The following RIBC2 variants were observed in gnomAD, a reference collection of about 807,000 sequenced individuals.
The protein encoded by RIBC2 is RIB43A domain with coiled-coils 2, also known as RIB43A-like with coiled-coils protein 2.
A neutral mutation model predicts 44.3 loss-of-function variants in RIBC2; 40 were observed. The ratio of observed to expected loss-of-function variants is 0.90; its 90% CI spans 0.70 to 1.18. The LOEUF (loss-of-function observed/expected upper bound fraction) is 1.18. Ranked by LOEUF, RIBC2 falls within the 50% of genes most tolerant of loss-of-function variation. RIBC2 has a pLI of 0.00. For missense variants in RIBC2, 459 were observed against 485.5 expected, an observed-to-expected ratio of 0.95 and a Z score of 0.51; for synonymous variants, 171 against 175.0, an observed-to-expected ratio of 0.98 and a Z score of 0.18.
Position 45,429,551 on chromosome 22 carries a change from G to T in RIBC2, c.904-1349G>T, listed in dbSNP as rs79444005. The stretch of plus-strand genomic sequence containing the variant: ...GTGGACCAGGGCATGAGGAGTGGGT[G>T]GGGCAGCTCGTCCACCTGCTTCCCT... On this transcript the variant is annotated intron_variant, in intron 5 of 6. Coordinates refer to ENST00000614167, the MANE Select transcript of RIBC2 (RefSeq NM_015653.5). Among the ~76,000 whole-genome samples, 1,501 of 152,216 alleles carry T rather than the reference G, an allele frequency of 9.9e-3. 31 individuals carry two copies. The highest frequency in any genetic ancestry group is 0.034 in the African/African-American group (1,416 of 41,524).
At chr22:45,418,257 C>A in intron 3 of RIBC2, 1 of 209,682 alleles carries the variant, frequency 4.8e-6, no homozygotes, top group Non-Finnish European at 9.7e-6. Context: ...AACTCAGAAT[C>A]GGTCCCTGCC....
Position 45,426,102 on chromosome 22 carries a change from G to T in RIBC2, c.830G>T (p.Arg277Leu), listed in dbSNP as rs149130910. The T allele has an allele frequency of 9.3e-6, 15 of 1,613,828 alleles. No individual in the cohort carries two copies. The South Asian group carries it at 1.3e-4, about 14-fold the overall frequency. The change falls in exon 5 of 7, where the codon CGC becomes CTC. Residue 277 changes from arginine to leucine, a missense_variant. Coordinates refer to ENST00000614167, the MANE Select transcript of RIBC2 (RefSeq NM_015653.5). ...SFGPHRVVPD[R>L]WKGMTQEQLE... The stretch of plus-strand genomic sequence containing the variant: ...GGGCCCCACCGCGTGGTCCCTGACC[G>T]CTGGAAGGGCATGACCCAGGAGCAG...
intron 5 of RIBC2, among the ~76,000 whole-genome samples, chr22:45,428,124 C>G (rs2087549817): frequency 6.6e-6 from 1 of 152,182 alleles, no homozygotes; most frequent in Admixed American, 6.5e-5. Flanking sequence ...AGAGGGGAAC[C>G]CCTGGGTCAA....
At chr22:45,420,345 T>C (rs2087466127) in intron 3 of RIBC2, among the ~76,000 whole-genome samples, 1 of 152,206 alleles carries the variant, frequency 6.6e-6, no homozygotes, top group Non-Finnish European at 1.5e-5. Flanking sequence ...ATCTTATCAG[T>C]GAGGCTTCCC....
At position 45,417,990 on chromosome 22, in the gene RIBC2, A is replaced by G. The variant is rs995081075; in HGVS notation, c.556+44A>G. The G allele has an allele frequency of 3.6e-6, 5 of 1,381,310 alleles. No individual in the cohort carries two copies. In the African/African-American group the frequency reaches 6.1e-5, roughly 17 times the overall value. The allele number at this position is 1,381,310 out of a possible 1,614,324, so 85.6% of individuals were successfully genotyped here. Reference sequence around the variant, plus strand: ...CGAGCTGGTCTCAACGCTCTCTTCAACAAACCAACCCTACAGTTTTTTTTT... The same window carrying G: ...CGAGCTGGTCTCAACGCTCTCTTCAGCAAACCAACCCTACAGTTTTTTTTT... On this transcript the variant is annotated intron_variant, in intron 3 of 6. Transcript: ENST00000614167.
intron 5 of RIBC2, among the ~76,000 whole-genome samples, chr22:45,429,302 C>T (rs968907263): frequency 2.0e-5 from 3 of 152,030 alleles, no homozygotes; most frequent in African/African-American, 7.2e-5. Flanking sequence ...GAAGCCGGGA[C>T]TAGATCTTTG....
At position 45,413,933 on chromosome 22, in the gene RIBC2, A is replaced by C; in HGVS notation, c.47A>C (p.Gln16Pro). The C allele has an allele frequency of 6.4e-7, 1 of 1,551,740 alleles. No homozygotes were observed. Among genetic ancestry groups the C allele is most frequent in the Non-Finnish European group, 8.7e-7 (1 of 1,146,990 alleles). Residue 16 changes from glutamine (Q) to proline (P), a missense_variant, in exon 1 of 7, where the codon CAG (glutamine) becomes CCG (proline). By Grantham distance (76) the Gln-to-Pro change is moderately conservative. Transcript: ENST00000614167. Reference sequence around the variant, plus strand: ...GTGGCGCTGCCCAGGGACTTGCGGCAGGACGCCAACCTGGCAAAGAGGAGG... The same window carrying C: ...GTGGCGCTGCCCAGGGACTTGCGGCCGGACGCCAACCTGGCAAAGAGGAGG... ...MAVALPRDLR[Q>P]DANLAKRRHA...
intron 2 of RIBC2, among the ~76,000 whole-genome samples, chr22:45,415,824 C>T (rs906671494): frequency 5.3e-5 from 8 of 152,116 alleles, no homozygotes; most frequent in Non-Finnish European, 8.8e-5. Context: ...CTCAGCTTCC[C>T]GAGTAGCTGG....
chr22:45,420,255 C>T (rs1263288262), intron 3 of RIBC2, among the ~76,000 whole-genome samples: 1 of 152,182 alleles, frequency 6.6e-6, no homozygotes, highest in African/African-American at 2.4e-5. Flanking sequence ...TTTGCATGTG[C>T]TGTTCCCTCT....
intron 5 of RIBC2, among the ~76,000 whole-genome samples, chr22:45,429,002 A>G (rs996437000): frequency 5.9e-5 from 9 of 152,244 alleles, no homozygotes; most frequent in Non-Finnish European, 1.0e-4. Context: ...CCAGGGGGCC[A>G]GAGAGAGATT....
chr22:45,416,687 C>T (rs1355537945), intron 2 of RIBC2, among the ~76,000 whole-genome samples: 2 of 152,016 alleles, frequency 1.3e-5, no homozygotes, highest in African/African-American at 4.8e-5. Flanking sequence ...AGCTCTATCT[C>T]TTGACCTTGT....
Position 45,416,899 on chromosome 22 carries a change from G to GT in RIBC2, c.212-683dup, listed in dbSNP as rs34961526. The stretch of plus-strand genomic sequence containing the variant: ...TTTCATAATTGTATTGATTACTCAG[G>GT]TTTTTTTTTTTTTTTTTTTTGAGAC... On this transcript the variant is annotated intron_variant, in intron 2 of 6. Coordinates refer to ENST00000614167, the MANE Select transcript of RIBC2 (RefSeq NM_015653.5). Among the ~76,000 whole-genome samples the GT allele has an allele frequency of 6.5e-3, 785 of 120,604 alleles. 7 individuals carry two copies. Among genetic ancestry groups the GT allele is most frequent in the South Asian group, 0.019 (70 of 3,648 alleles). The allele number at this position is 120,604 out of a possible 152,430, so 79.1% of individuals were successfully genotyped here. A position where few individuals can be genotyped will look rare whatever the true frequency, so the allele number is the denominator to read the frequency against.
chr22:45,425,069 C>G (rs1005654815), intron 4 of RIBC2, among the ~76,000 whole-genome samples: 2 of 151,500 alleles, frequency 1.3e-5, no homozygotes, highest in Non-Finnish European at 1.5e-5. Flanking sequence ...TGCAGTGAGC[C>G]GAGATTGTGC....
At chr22:45,416,455 T>TTTTTG (rs925138443) in intron 2 of RIBC2, among the ~76,000 whole-genome samples, 27 of 151,764 alleles carry the variant, frequency 1.8e-4, no homozygotes, top group African/African-American at 5.1e-4. Context: ...AAATGAGAGG[T>TTTTTG]TTTTGTTTTG....
Position 45,420,728 on chromosome 22 carries a change from C to A in RIBC2, c.557-1562C>A, listed in dbSNP as rs73446317. On this transcript the variant is annotated intron_variant, in intron 3 of 6. Transcript: ENST00000614167. ...CCATCTCTGACTCTTGTCCCTTCTA[C>A]CTCCTGCATATATTTTGAACTGTCC... Among the ~76,000 whole-genome samples, 919 of 152,356 alleles carry A rather than the reference C, an allele frequency of 6.0e-3. 19 individuals carry two copies. Among genetic ancestry groups the A allele is most frequent in the African/African-American group, 0.021 (865 of 41,574 alleles).
At chr22:45,420,796 C>T (rs1436270427) in intron 3 of RIBC2, among the ~76,000 whole-genome samples, 2 of 152,212 alleles carry the variant, frequency 1.3e-5, no homozygotes, top group Admixed American at 6.5e-5. Flanking sequence ...TGCAAGCCAC[C>T]ATCTCAGCTG....
intron 4 of RIBC2, among the ~76,000 whole-genome samples, chr22:45,423,574 T>C (rs1025449045): frequency 6.6e-6 from 1 of 152,282 alleles, no homozygotes; most frequent in East Asian, 1.9e-4. Context: ...GAACTAAATA[T>C]ATTGGAGATA....
intron 6 of RIBC2, 58 bp from the exon 7 acceptor site, chr22:45,432,222 AAAAG>A (rs1446798215): frequency 9.8e-5 from 91 of 932,932 alleles, no homozygotes; most frequent in Admixed American, 4.0e-4. Context: ...AAAAAAAAAA[AAAAG>A]AAAGAATAGG....
Position 45,431,044 on chromosome 22 carries a change from C to T in RIBC2, c.1048C>T (p.Leu350=), listed in dbSNP as rs535914394. The T allele has an allele frequency of 3.1e-4, 497 of 1,579,512 alleles. 7 individuals carry two copies. In the East Asian group the frequency reaches 0.012, roughly 37 times the overall value. The part of the protein sequence containing the change: ...RRALDSSNLS[L]AKEQHLQKKY... ...AGCTCTGGACAGCAGCAACCTCAGC[C>T]TGGCCAAGGAGCAGCATTTGCAGTG... Residue 350 remains leucine, a synonymous_variant, in exon 6 of 7, where the codon CTG becomes TTG. Coordinates refer to ENST00000614167, the MANE Select transcript of RIBC2 (RefSeq NM_015653.5).
Sources: gnomAD v4.1 joint callset for allele counts (sites outside exome capture counted in the v4.1 genomes callset) on GRCh38, gnomAD v4.1.1 for gene constraint, MANE v1.5 for transcripts, NCBI Gene and HGNC (gene_info 2026-07-23, HGNC 2026-07-21) for gene names.